Variants in NRXN1 observed in about 807,000 individuals in gnomAD.
The protein encoded by NRXN1 is neurexin 1, also known as neurexin-1.
NRXN1 carries 39 observed loss-of-function variants against 150.9 expected under a neutral mutation model. The ratio of observed to expected loss-of-function variants is 0.26; its 90% CI spans 0.20 to 0.34. NRXN1 has a LOEUF of 0.34. NRXN1 is among the 10% of genes least tolerant of loss of function. NRXN1 has a pLI of 1.00. For synonymous variants in NRXN1, 924 were observed against 757.0 expected (o/e 1.22, Z -3.62); for missense variants, 1,815 against 1,949.9 (o/e 0.93, Z 1.30).
intron 21 of NRXN1, among the ~76,000 whole-genome samples, chr2:50,050,782 C>T (rs939733066): frequency 1.0e-5 from 1 of 95,552 alleles, no homozygotes; most frequent in African/African-American, 3.4e-5. Context: ...GCTTTCTTCC[C>T]TAATGTTTTT....
At chr2:50,136,831 A>G (rs1706484371) in intron 18 of NRXN1, among the ~76,000 whole-genome samples, 1 of 152,220 alleles carries the variant, frequency 6.6e-6, no homozygotes, top group South Asian at 2.1e-4. Context: ...GAAACTTAAC[A>G]GAATAAACAT....
intron 5 of NRXN1, among the ~76,000 whole-genome samples, chr2:50,864,936 G>A (rs942837748): frequency 6.6e-6 from 1 of 151,994 alleles, no homozygotes; most frequent in East Asian, 1.9e-4. Context: ...AGGGAAGGTC[G>A]ATGCTGACAG....
chr2:50,132,287 T>C (rs1705627524), intron 18 of NRXN1, among the ~76,000 whole-genome samples: 1 of 150,374 alleles, frequency 6.7e-6, no homozygotes, highest in African/African-American at 2.4e-5. Context: ...CTTTATGCGA[T>C]AGTTTATGTC....
rs1313913516 is a variant in NRXN1 at position 50,320,313 on chromosome 2, T to C, written c.3365-83343A>G. On this transcript the variant is annotated intron_variant, in intron 17 of 22. Coordinates refer to ENST00000401669, the MANE Select transcript of NRXN1 (RefSeq NM_001330078.2). Reference sequence around the variant, plus strand: ...ATATATATATATATATATATATATATATATATATATATATAGTATATGATT... The same window carrying C: ...ATATATATATATATATATATATATACATATATATATATATAGTATATGATT... Among the ~76,000 whole-genome samples the C allele has an allele frequency of 6.6e-4, 85 of 129,236 alleles. 1 individual carries two copies. Among genetic ancestry groups the C allele is most frequent in the African/African-American group, 2.4e-3 (81 of 34,360 alleles). The allele number at this position is 129,236 out of a possible 152,430, so 84.8% of individuals were successfully genotyped here.
intron 5 of NRXN1, among the ~76,000 whole-genome samples, chr2:50,676,847 T>C (rs1352104482): frequency 1.3e-5 from 2 of 152,152 alleles, no homozygotes; most frequent in Non-Finnish European, 2.9e-5. Context: ...AATTCATTCA[T>C]TCATTCAGCA....
At position 49,971,825 on chromosome 2, in the gene NRXN1, T is replaced by C. The variant is rs185159719; in HGVS notation, c.4129-28034A>G. ...GTATAATGATCTGAGTATATTATCC[T>C]GAATTTACCTTAAGGTACCAAAAGT... On this transcript the variant is annotated intron_variant, in intron 21 of 22. Transcript: ENST00000401669. 3.5e-4 allele frequency among the ~76,000 whole-genome samples: 53 copies of C among 152,290 alleles called. No individual in the cohort carries two copies. The East Asian group carries it at 0.01, about 29-fold the overall frequency.
At chr2:50,374,090 G>GGAACTCAA (rs67173157) in intron 17 of NRXN1, among the ~76,000 whole-genome samples, 2 of 150,642 alleles carry the variant, frequency 1.3e-5, no homozygotes, top group Non-Finnish European at 3.0e-5. Context: ...CTTCATCTCA[G>GGAACTCAA]GACTAGCCTG....
At chr2:50,772,510 A>C (rs753596588) in intron 5 of NRXN1, among the ~76,000 whole-genome samples, 15 of 152,056 alleles carry the variant, frequency 9.9e-5, no homozygotes, top group Non-Finnish European at 2.2e-4. Flanking sequence ...GGTTTTACAA[A>C]AAAAAAATTG....
intron 17 of NRXN1, among the ~76,000 whole-genome samples, chr2:50,390,832 C>T (rs572974880): frequency 1.2e-4 from 19 of 152,100 alleles, no homozygotes; most frequent in South Asian, 1.2e-3. Flanking sequence ...TTTTGGACTT[C>T]GCAGCCACCA....
chr2:50,648,985 G>C (rs533160497), intron 5 of NRXN1, among the ~76,000 whole-genome samples: 1 of 151,648 alleles, frequency 6.6e-6, no homozygotes, highest in Non-Finnish European at 1.5e-5. Context: ...GTTTTTCCTT[G>C]TCAGTCAATC....
intron 5 of NRXN1, among the ~76,000 whole-genome samples, chr2:50,627,796 C>G (rs1331639552): frequency 6.6e-6 from 1 of 151,614 alleles, no homozygotes; most frequent in African/African-American, 2.4e-5. Flanking sequence ...ATATGACCCT[C>G]AAATTCATAA....
At chr2:50,620,267 CT>C in intron 7 of NRXN1, 84 bp from the exon 8 acceptor site, 3 of 1,418,636 alleles carry the variant, frequency 2.1e-6, no homozygotes, top group Non-Finnish European at 2.8e-6. Context: ...TTGTGTTTTG[CT>C]TTTGTTTTTT....
At chr2:49,979,285 A>G (rs1679562126) in intron 21 of NRXN1, among the ~76,000 whole-genome samples, 1 of 152,200 alleles carries the variant, frequency 6.6e-6, no homozygotes, top group South Asian at 2.1e-4. Context: ...TGACAGAACA[A>G]GACTCAAAAA....
At chr2:50,302,541 T>C (rs2074253129) in intron 17 of NRXN1, among the ~76,000 whole-genome samples, 1 of 152,210 alleles carries the variant, frequency 6.6e-6, no homozygotes, top group Non-Finnish European at 1.5e-5. Context: ...TTATCATGAC[T>C]TCTGCCCTCT....
intron 18 of NRXN1, among the ~76,000 whole-genome samples, chr2:50,109,170 T>C (rs983253190): frequency 4.6e-5 from 7 of 152,176 alleles, no homozygotes; most frequent in Non-Finnish European, 8.8e-5. Flanking sequence ...TTAGAAAATG[T>C]CCATAATGGA....
intron 17 of NRXN1, among the ~76,000 whole-genome samples, chr2:50,261,080 C>G (rs968898711): frequency 3.3e-5 from 5 of 151,726 alleles, no homozygotes; most frequent in African/African-American, 1.2e-4. Context: ...GATTTCAGAT[C>G]ATGTAGAGAC....
At chr2:50,983,019 A>T (rs1476458774) in intron 2 of NRXN1, among the ~76,000 whole-genome samples, 2 of 151,882 alleles carry the variant, frequency 1.3e-5, no homozygotes, top group South Asian at 2.1e-4. Context: ...AAGGAGTTTT[A>T]TATATATATA....
chr2:50,212,282 A>T (rs1177213449), intron 18 of NRXN1, among the ~76,000 whole-genome samples: 1 of 149,742 alleles, frequency 6.7e-6, no homozygotes, highest in Non-Finnish European at 1.5e-5. Context: ...TAGTGAAAAA[A>T]ATATGCTTTG....
At chr2:50,319,841 T>C (rs2075884054) in intron 17 of NRXN1, among the ~76,000 whole-genome samples, 1 of 152,078 alleles carries the variant, frequency 6.6e-6, no homozygotes, top group South Asian at 2.1e-4. Context: ...TCATATTCCT[T>C]TGTCCCTTAA....
Sources: allele counts gnomAD v4.1 joint callset (sites outside exome capture counted in the v4.1 genomes callset), GRCh38; gene constraint gnomAD v4.1.1; transcripts MANE v1.5; gene names NCBI Gene and HGNC (gene_info 2026-07-23, HGNC 2026-07-21).